Variants in FRK observed in about 807,000 individuals in gnomAD.
The protein encoded by FRK is tyrosine-protein kinase FRK.
In FRK, 51 loss-of-function variants were observed where a neutral mutation model predicts 56.4. The ratio of observed to expected loss-of-function variants is 0.90; its 90% CI spans 0.72 to 1.14. The LOEUF is 1.14. FRK is among the 50% of genes most tolerant of loss of function. The pLI is 0.00. For missense variants in FRK, 570 were observed against 601.4 expected, an observed-to-expected ratio of 0.95 and a Z score of 0.55; for synonymous variants, 245 against 217.9, an observed-to-expected ratio of 1.12 and a Z score of -1.10.
intron 2 of FRK, among the ~76,000 whole-genome samples, chr6:115,970,518 T>C (rs1028576186): frequency 6.6e-6 from 1 of 152,338 alleles, no homozygotes; most frequent in Admixed American, 6.5e-5. Context: ...TCTAGTGGAA[T>C]GCAAATTTGT....
chr6:115,945,050 T>C (rs560294152), intron 5 of FRK, among the ~76,000 whole-genome samples: 1 of 152,286 alleles, frequency 6.6e-6, no homozygotes, highest in Non-Finnish European at 1.5e-5. Flanking sequence ...ATGATTTCAT[T>C]TTTTATGGCT....
At chr6:116,094,548 G>GA in the FRK span, among the ~76,000 whole-genome samples, 3 of 151,964 alleles carry the variant, frequency 2.0e-5, no homozygotes, top group South Asian at 2.1e-4. Flanking sequence ...CTGCAATATG[G>GA]AAAAAAAGGG....
rs529050492 is a variant in FRK, at chr6:116,060,762, T to C, written c.-451A>G. On this transcript the variant is annotated 5_prime_UTR_variant, in exon 1 of 8. Transcript: ENST00000606080. Reference sequence around the variant, plus strand: ...TCCACGTCTTGCTTTCGCCAGGAGCTCTCCCCCTGTTTCAAGTCTGTTCCT... The same window carrying C: ...TCCACGTCTTGCTTTCGCCAGGAGCCCTCCCCCTGTTTCAAGTCTGTTCCT... 1.2e-4 allele frequency: 19 copies of C among 160,744 alleles called. No homozygotes were observed. The highest frequency in any genetic ancestry group is 4.1e-4 in the African/African-American group (17 of 41,616). 10.0% of individuals were successfully genotyped at this position (160,744 alleles called of 1,614,324 possible).
chr6:116,006,316 C>T (rs1187286833), intron 1 of FRK, among the ~76,000 whole-genome samples: 2 of 152,122 alleles, frequency 1.3e-5, no homozygotes, highest in African/African-American at 4.8e-5. Context: ...AGTAATATTA[C>T]ATATAAAACC....
the FRK span, among the ~76,000 whole-genome samples, chr6:116,072,530 AACACACACAC>A: frequency 6.9e-5 from 10 of 144,872 alleles, no homozygotes; most frequent in Non-Finnish European, 1.4e-4. Context: ...AGGTTAAATA[AACACACACAC>A]ACACACACAC....
intron 1 of FRK, among the ~76,000 whole-genome samples, chr6:116,048,332 A>G (rs925623339): frequency 1.3e-5 from 2 of 152,184 alleles, no homozygotes; most frequent in African/African-American, 2.4e-5. Context: ...CTGCTTCAAT[A>G]AAAATTACCA....
At chr6:115,956,417 C>G (rs1772992733) in intron 5 of FRK, 35 bp downstream of exon 5, 4 of 1,451,124 alleles carry the variant, frequency 2.8e-6, no homozygotes, top group Non-Finnish European at 3.7e-6. Context: ...AAATTAAATT[C>G]CTCTTTTTTT....
intron 2 of FRK, among the ~76,000 whole-genome samples, chr6:115,994,327 C>T (rs1021289986): frequency 9.9e-6 from 1 of 101,330 alleles, no homozygotes; most frequent in South Asian, 3.7e-4. Context: ...CACAACCTCC[C>T]CCCCCCCCGC....
the FRK span, among the ~76,000 whole-genome samples, chr6:116,074,672 C>A: frequency 6.6e-6 from 1 of 152,134 alleles, no homozygotes; most frequent in African/African-American, 2.4e-5. Flanking sequence ...GAGATTATTT[C>A]TTTGCATAGA....
intron 5 of FRK, among the ~76,000 whole-genome samples, chr6:115,947,580 C>A (rs1772518737): frequency 6.6e-6 from 1 of 152,098 alleles, no homozygotes; most frequent in Non-Finnish European, 1.5e-5. Flanking sequence ...AAATCTCCCA[C>A]ATCTTTATGG....
In FRK at chr6:116,060,434, T is replaced by C. The variant is rs1395319214; in HGVS notation, c.-123A>G. The C allele has an allele frequency of 3.0e-5, 22 of 722,788 alleles. No individual in the cohort carries two copies. The East Asian group carries it at 4.7e-4, about 16-fold the overall frequency. 44.8% of individuals were successfully genotyped at this position (722,788 alleles called of 1,614,324 possible). A position where few individuals can be genotyped will look rare whatever the true frequency, so the allele number is the denominator to read the frequency against. On this transcript the variant is annotated 5_prime_UTR_variant, in exon 1 of 8. The change creates a new upstream start codon in the 5' untranslated region. Transcript: ENST00000606080. ...CACCAACTCACCATACTTCGGAGAG[T>C]ATGCAAAGTCCCGTTTCAGATCAGT...
At chr6:116,090,945 A>C in the FRK span, among the ~76,000 whole-genome samples, 3 of 152,218 alleles carry the variant, frequency 2.0e-5, no homozygotes, top group Non-Finnish European at 2.9e-5. Context: ...CTTAACATTT[A>C]ATTAAATTTC....
At chr6:116,053,270 T>C (rs1487428628) in intron 1 of FRK, among the ~76,000 whole-genome samples, 2 of 152,196 alleles carry the variant, frequency 1.3e-5, no homozygotes, top group East Asian at 3.8e-4. Flanking sequence ...ATATTGCCCA[T>C]ATAGGTTCTC....
At chr6:116,039,342 G>A (rs573700044) in intron 1 of FRK, 12 of 1,419,922 alleles carry the variant, frequency 8.5e-6, no homozygotes, top group Non-Finnish European at 1.1e-5. Context: ...CATCTCTGAT[G>A]TGGTGGCTCA....
chr6:116,039,885 C>T (rs1422737731), intron 1 of FRK, among the ~76,000 whole-genome samples: 1 of 150,186 alleles, frequency 6.7e-6, no homozygotes, highest in East Asian at 2.0e-4. Context: ...ACGGTGCCCG[C>T]GCCTGTGTGT....
rs747005183 is a variant in FRK, at chr6:115,968,749, A to C, written c.467-10T>G. On this transcript the variant is annotated splice_polypyrimidine_tract_variant and intron_variant, in intron 2 of 7. Transcript: ENST00000606080. ...ACTGCTCCATCTAAAACTGGAACCC[A>C]AAATAATTCCTGTTAATAAACTTCT... The C allele has an allele frequency of 5.2e-5, 84 of 1,607,484 alleles. No homozygotes were observed. Among genetic ancestry groups the C allele is most frequent in the Non-Finnish European group, 7.0e-5 (82 of 1,176,816 alleles).
intron 1 of FRK, among the ~76,000 whole-genome samples, chr6:116,027,126 A>T (rs1776122940): frequency 6.6e-6 from 1 of 152,180 alleles, no homozygotes; most frequent in Non-Finnish European, 1.5e-5. Flanking sequence ...GTTACTAATT[A>T]CTTCACAAAG....
At chr6:116,007,732 C>G (rs1775297037) in intron 1 of FRK, among the ~76,000 whole-genome samples, 1 of 152,092 alleles carries the variant, frequency 6.6e-6, no homozygotes, top group Non-Finnish European at 1.5e-5. Context: ...CTCCAAAGAT[C>G]ACTCAGAATG....
chr6:116,022,804 A>G (rs747453067), intron 1 of FRK, among the ~76,000 whole-genome samples: 27 of 152,218 alleles, frequency 1.8e-4, no homozygotes, highest in Non-Finnish European at 2.6e-4. Context: ...TAATTATCTA[A>G]TAAAACAAAA....
Sources: gnomAD v4.1 joint callset for allele counts (sites outside exome capture counted in the v4.1 genomes callset) on GRCh38, gnomAD v4.1.1 for gene constraint, MANE v1.5 for transcripts, NCBI Gene and HGNC (gene_info 2026-07-23, HGNC 2026-07-21) for gene names.